The following RHBDL2 variants were observed in gnomAD, a reference collection of about 807,000 sequenced individuals.
RHBDL2 encodes the protein rhomboid like 2, also known as rhomboid-related protein 2.
In RHBDL2, 26 loss-of-function variants were observed where a neutral mutation model predicts 31.7. That is an observed-to-expected ratio of 0.82 (90% CI 0.60 to 1.14). The LOEUF is 1.14. Ranked by LOEUF, RHBDL2 falls within the 50% of genes most tolerant of loss-of-function variation. The pLI, the probability that RHBDL2 is intolerant of heterozygous loss-of-function variation, is 0.00. For missense variants in RHBDL2, 336 were observed against 364.4 expected, an observed-to-expected ratio of 0.92 and a Z score of 0.63; for synonymous variants, 123 against 127.2, an observed-to-expected ratio of 0.97 and a Z score of 0.22.
intron 6 of RHBDL2, among the ~76,000 whole-genome samples, chr1:38,890,651 C>T (rs531901971): frequency 1.3e-5 from 2 of 152,202 alleles, no homozygotes; most frequent in South Asian, 4.2e-4. Context: ...AGAAGCCAAA[C>T]CATTGTCCTC....
intron 1 of RHBDL2, among the ~76,000 whole-genome samples, chr1:38,928,204 C>T (rs922499712): frequency 4.3e-5 from 6 of 140,892 alleles, no homozygotes; most frequent in Admixed American, 7.5e-5. Flanking sequence ...TGCAGTGGTG[C>T]GATCTTGGCT....
chr1:38,938,480 C>T (rs1643533045), intron 1 of RHBDL2, among the ~76,000 whole-genome samples: 1 of 152,078 alleles, frequency 6.6e-6, no homozygotes, highest in Non-Finnish European at 1.5e-5. Context: ...CCTAGCAGTT[C>T]CAGCTCCCAC....
At chr1:38,921,872 A>AT (rs1262814526) in intron 1 of RHBDL2, among the ~76,000 whole-genome samples, 1 of 152,224 alleles carries the variant, frequency 6.6e-6, no homozygotes, top group African/African-American at 2.4e-5. Flanking sequence ...ATATTAAAGC[A>AT]TTTTAAAAAT....
At chr1:38,898,005 C>T (rs1266522614) in intron 4 of RHBDL2, among the ~76,000 whole-genome samples, 1 of 152,114 alleles carries the variant, frequency 6.6e-6, no homozygotes, top group Non-Finnish European at 1.5e-5. Flanking sequence ...GTGGCAGACA[C>T]CTGTAATCCC....
intron 1 of RHBDL2, among the ~76,000 whole-genome samples, chr1:38,938,443 T>C (rs1359548616): frequency 6.6e-6 from 1 of 152,034 alleles, no homozygotes; most frequent in Non-Finnish European, 1.5e-5. Context: ...TCCCCAAATA[T>C]ACCCTATGCC....
intron 1 of RHBDL2, among the ~76,000 whole-genome samples, chr1:38,930,107 T>G (rs1287655374): frequency 1.3e-5 from 2 of 152,260 alleles, no homozygotes; most frequent in East Asian, 3.9e-4. Flanking sequence ...CCACTCTGCG[T>G]CAAAAGTTTC....
At chr1:38,916,560 T>G (rs1023239981) in intron 2 of RHBDL2, among the ~76,000 whole-genome samples, 3 of 152,108 alleles carry the variant, frequency 2.0e-5, no homozygotes, top group Non-Finnish European at 2.9e-5. Flanking sequence ...AAATGTACTA[T>G]GGGGCCAGAC....
At chr1:38,891,624 T>G (rs1196289815) in intron 6 of RHBDL2, among the ~76,000 whole-genome samples, 1 of 152,208 alleles carries the variant, frequency 6.6e-6, no homozygotes, top group African/African-American at 2.4e-5. Context: ...GGTTTTGAAT[T>G]TGTTATGAAG....
intron 1 of RHBDL2, among the ~76,000 whole-genome samples, chr1:38,939,006 G>C (rs1195263801): frequency 6.6e-6 from 1 of 152,172 alleles, no homozygotes; most frequent in South Asian, 2.1e-4. Flanking sequence ...GGTGCTGAAC[G>C]AACAGGATTA....
intron 1 of RHBDL2, among the ~76,000 whole-genome samples, chr1:38,932,307 C>A (rs1643447295): frequency 6.6e-6 from 1 of 152,068 alleles, no homozygotes; most frequent in Non-Finnish European, 1.5e-5. Context: ...ATGAATGGAA[C>A]CTTCTTGACC....
At chr1:38,921,197 C>G (rs1337162272) in intron 1 of RHBDL2, among the ~76,000 whole-genome samples, 6 of 152,146 alleles carry the variant, frequency 3.9e-5, no homozygotes, top group Admixed American at 6.5e-5. Context: ...GACTGGCCAA[C>G]CTGGTGAAAC....
chr1:38,923,732 G>A (rs1349508000), intron 1 of RHBDL2, among the ~76,000 whole-genome samples: 1 of 152,130 alleles, frequency 6.6e-6, no homozygotes, highest in Non-Finnish European at 1.5e-5. Context: ...CTTGGCACTC[G>A]AGCACTCACT....
At chr1:38,931,572 A>C (rs1317425375) in intron 1 of RHBDL2, among the ~76,000 whole-genome samples, 1 of 152,006 alleles carries the variant, frequency 6.6e-6, no homozygotes, top group Non-Finnish European at 1.5e-5. Context: ...ATGCCTTTTT[A>C]ACAGCTCCCA....
chr1:38,930,927 G>C (rs1403947971), intron 1 of RHBDL2, among the ~76,000 whole-genome samples: 1 of 152,148 alleles, frequency 6.6e-6, no homozygotes, highest in Non-Finnish European at 1.5e-5. Context: ...GAGACTTTTA[G>C]TGCTAAAATC....
chr1:38,897,029 T>C (rs530722898), intron 4 of RHBDL2, among the ~76,000 whole-genome samples: 102 of 152,220 alleles, frequency 6.7e-4, no homozygotes, highest in African/African-American at 2.0e-3. Context: ...AAGGAGTGAT[T>C]TTCTCAGCAG....
chr1:38,915,590 A>T lies in RHBDL2; in HGVS notation c.367T>A (p.Phe123Ile), dbSNP rs1643221954. Residue 123 changes from phenylalanine to isoleucine, a missense_variant, in exon 3 of 8, where the codon TTT becomes ATT. Coordinates refer to ENST00000372990, the MANE Select transcript of RHBDL2 (RefSeq NM_017821.5). Reference sequence around the variant, plus strand: ...GCATGTACCAGCATGTATGAGATAAACCTCCAGGCTTCCTCCCTCTTCTCA... The same window carrying T: ...GCATGTACCAGCATGTATGAGATAATCCTCCAGGCTTCCTCCCTCTTCTCA... The part of the protein sequence containing the change: ...SPEKREEAWR[F>I]ISYMLVHAGV... 3 of 1,613,934 alleles carry T rather than the reference A, an allele frequency of 1.9e-6. No individual in the cohort carries two copies. Among genetic ancestry groups the T allele is most frequent in the Non-Finnish European group, 2.5e-6 (3 of 1,179,998 alleles).
intron 4 of RHBDL2, among the ~76,000 whole-genome samples, chr1:38,902,563 G>T (rs183700925): frequency 6.6e-6 from 1 of 151,796 alleles, no homozygotes; most frequent in African/African-American, 2.4e-5. Context: ...TGGATTACAG[G>T]TGCACACCAC....
chr1:38,922,265 GT>G (rs1643325023), intron 1 of RHBDL2, among the ~76,000 whole-genome samples: 1 of 147,352 alleles, frequency 6.8e-6, no homozygotes, highest in Non-Finnish European at 1.5e-5. Context: ...AACATTTGGG[GT>G]TTTTTTATTT....
chr1:38,901,054 GATAAATAAATAA>G (rs113007332), intron 4 of RHBDL2, among the ~76,000 whole-genome samples: 4 of 148,784 alleles, frequency 2.7e-5, no homozygotes, highest in Admixed American at 1.3e-4. Context: ...TCTCTAAATA[GATAAATAAATAA>G]ATAAATAAAT....
Sources: allele counts gnomAD v4.1 joint callset (sites outside exome capture counted in the v4.1 genomes callset), GRCh38; gene constraint gnomAD v4.1.1; transcripts MANE v1.5; gene names NCBI Gene and HGNC (gene_info 2026-07-23, HGNC 2026-07-21).